SND1: variants seen among roughly 807,000 people sequenced by gnomAD.
SND1 encodes the protein staphylococcal nuclease and tudor domain containing 1, also known as staphylococcal nuclease domain-containing protein 1.
Under a neutral mutation model 121.7 loss-of-function variants are expected in SND1, and 38 were observed. The observed-to-expected ratio is 0.31, with a 90% CI of 0.24 to 0.41. The LOEUF (loss-of-function observed/expected upper bound fraction) is 0.41. Among genes scored for constraint, SND1 ranks in the 10% least tolerant of loss-of-function variants. The pLI is 1.00. For synonymous variants in SND1, 401 were observed against 447.4 expected (o/e 0.90, Z 1.31); for missense variants, 868 against 1,184.6 (o/e 0.73, Z 3.92).
At chr7:127,825,650 G>A (rs1421453175) in intron 11 of SND1, among the ~76,000 whole-genome samples, 4 of 149,336 alleles carry the variant, frequency 2.7e-5, no homozygotes, top group African/African-American at 9.9e-5. Context: ...CAGGTGATCC[G>A]CCCACCCCGG....
chr7:128,029,538 C>G lies in SND1; in HGVS notation c.1779+38482C>G, dbSNP rs764537457. The G allele has an allele frequency of 6.2e-7, 1 of 1,614,010 alleles. No homozygotes were observed. The highest frequency in any genetic ancestry group is 8.5e-7 in the Non-Finnish European group (1 of 1,180,016). On this transcript the variant is annotated intron_variant, in intron 16 of 23. Coordinates refer to ENST00000354725, the MANE Select transcript of SND1 (RefSeq NM_014390.4). The surrounding 1 kb of genome is among the most constrained non-coding windows in gnomAD (Gnocchi z 4.2). ...AGTCCGACACTTAAGTTCTGCCATC[C>G]GACCCTCAGAAATGTTGAGGTCTCG...
chr7:127,935,399 GTAAAACT>G (rs1801040781), intron 15 of SND1, among the ~76,000 whole-genome samples: 1 of 152,182 alleles, frequency 6.6e-6, no homozygotes, highest in South Asian at 2.1e-4. Context: ...ATTTTAGAAT[GTAAAACT>G]CAACAAAATA....
intron 14 of SND1, among the ~76,000 whole-genome samples, chr7:127,922,189 T>TTGTTTTTTTTTTTTGTTTTG (rs1563058961): frequency 8.4e-5 from 8 of 95,522 alleles, no homozygotes; most frequent in Middle Eastern, 4.5e-3. Flanking sequence ...TTTTTTTTTT[T>TTGTTTTTTTTTTTTGTTTTG]TTTTTTTTTT....
intron 14 of SND1, among the ~76,000 whole-genome samples, chr7:127,913,480 T>C (rs1481491018): frequency 1.3e-5 from 2 of 152,242 alleles, no homozygotes; most frequent in Non-Finnish European, 2.9e-5. Flanking sequence ...GTAGCATATT[T>C]TTCCAAAGAG....
chr7:127,782,271 AG>A (rs1299457637), intron 10 of SND1, among the ~76,000 whole-genome samples: 1 of 152,174 alleles, frequency 6.6e-6, no homozygotes. Flanking sequence ...CAGGCAGAAA[AG>A]GGAAGTTAAT....
chr7:127,812,140 A>G (rs1798345695), intron 11 of SND1, among the ~76,000 whole-genome samples: 1 of 152,246 alleles, frequency 6.6e-6, no homozygotes, highest in Non-Finnish European at 1.5e-5. Context: ...TGCTGAATTA[A>G]AGACTTTTAG....
intron 16 of SND1, among the ~76,000 whole-genome samples, chr7:128,000,577 C>G (rs1802801903): frequency 6.6e-6 from 1 of 152,134 alleles, no homozygotes; most frequent in East Asian, 1.9e-4. Flanking sequence ...ACCATGTTGC[C>G]CAGGCTGGTC....
Position 127,920,108 on chromosome 7 carries a change from C to T in SND1, c.1528-9080C>T, listed in dbSNP as rs184551437. On this transcript the variant is annotated intron_variant, in intron 14 of 23. Coordinates refer to ENST00000354725, the MANE Select transcript of SND1 (RefSeq NM_014390.4). ...TTCAAAAATATAGTACATTACTATA[C>T]TGATGAATAATGGAAGAAGTTTGTC... is the stretch of plus-strand genomic sequence containing the variant. 6.6e-5 allele frequency among the ~76,000 whole-genome samples: 10 copies of T among 152,232 alleles called. No homozygotes were observed. The East Asian group carries it at 1.9e-3, about 29-fold the overall frequency.
At chr7:127,973,520 A>C (rs1287893172) in intron 15 of SND1, among the ~76,000 whole-genome samples, 1 of 152,162 alleles carries the variant, frequency 6.6e-6, no homozygotes, top group Non-Finnish European at 1.5e-5. Context: ...AGCCAAGCCA[A>C]GGGCAGAGGA....
chr7:127,703,538 C>T (rs1233744084), intron 7 of SND1, among the ~76,000 whole-genome samples: 2 of 152,110 alleles, frequency 1.3e-5, no homozygotes, highest in African/African-American at 4.8e-5. Context: ...ATGGTGAAAC[C>T]CTGTTTCTAC....
chr7:127,846,043 T>A lies in SND1; in HGVS notation c.1343+1619T>A, dbSNP rs1799055679. Among the ~76,000 whole-genome samples the A allele has an allele frequency of 2.0e-5, 3 of 152,214 alleles. 1 individual carries two copies. Among genetic ancestry groups the A allele is most frequent in the Non-Finnish European group, 4.4e-5 (3 of 68,036 alleles). On this transcript the variant is annotated intron_variant, in intron 12 of 23. Transcript: ENST00000354725. Reference sequence around the variant, plus strand: ...CTCTTTCAGCCTTCCTCTCTGCAAATGTGGGGTAGCTGTCTGTTCTAGTCT... The same window carrying A: ...CTCTTTCAGCCTTCCTCTCTGCAAAAGTGGGGTAGCTGTCTGTTCTAGTCT...
chr7:127,936,856 T>C (rs1330536904), intron 15 of SND1, among the ~76,000 whole-genome samples: 1 of 152,246 alleles, frequency 6.6e-6, no homozygotes, highest in African/African-American at 2.4e-5. Flanking sequence ...CTCACATTTT[T>C]ACCTAAAAGC....
chr7:128,092,020 C>A lies in SND1; in HGVS notation c.2695C>A (p.Arg899=). 1 of 1,614,072 alleles carries A rather than the reference C, an allele frequency of 6.2e-7. No individual in the cohort carries two copies. Among genetic ancestry groups the A allele is most frequent in the Non-Finnish European group, 8.5e-7 (1 of 1,179,954 alleles). ...RLNLWRYGDF[R]ADDADEFGYS... The stretch of plus-strand genomic sequence containing the variant: ...GAACCTGTGGCGCTATGGAGACTTT[C>A]GAGCTGATGATGCAGACGAATTTGG... The change falls in exon 24 of 24, where the codon CGA becomes AGA. Residue 899 remains arginine (R), a synonymous_variant. Transcript: ENST00000354725. The surrounding 1 kb of genome is among the most constrained non-coding windows in gnomAD (Gnocchi z 4.9).
chr7:127,901,778 T>C (rs1241995281), intron 13 of SND1, among the ~76,000 whole-genome samples: 1 of 152,192 alleles, frequency 6.6e-6, no homozygotes, highest in Non-Finnish European at 1.5e-5. Context: ...TGCCAGAAAT[T>C]GATAAGAGTT....
chr7:127,853,889 G>A (rs912995544), intron 12 of SND1, among the ~76,000 whole-genome samples: 15 of 152,172 alleles, frequency 9.9e-5, no homozygotes, highest in Admixed American at 2.6e-4. Flanking sequence ...ATGCTTTTCT[G>A]AGTGTGATTT....
chr7:127,799,350 AG>A (rs1431742423), intron 10 of SND1, among the ~76,000 whole-genome samples: 2 of 152,208 alleles, frequency 1.3e-5, no homozygotes, highest in African/African-American at 4.8e-5. Flanking sequence ...TTCTAGTAAA[AG>A]GGGGATCATG....
At chr7:128,053,042 C>CATT (rs1476998948) in intron 16 of SND1, among the ~76,000 whole-genome samples, 11 of 152,268 alleles carry the variant, frequency 7.2e-5, no homozygotes, top group African/African-American at 1.7e-4. Flanking sequence ...ATTGAATAGG[C>CATT]ATTAGCCAGA....
chr7:127,856,962 G>A (rs1168844702), intron 12 of SND1, among the ~76,000 whole-genome samples: 1 of 152,018 alleles, frequency 6.6e-6, no homozygotes, highest in Admixed American at 6.5e-5. Flanking sequence ...CTGCAGCTGT[G>A]GAAAGATCAG....
intron 15 of SND1, among the ~76,000 whole-genome samples, chr7:127,930,282 A>G (rs1341428828): frequency 6.6e-6 from 1 of 152,152 alleles, no homozygotes; most frequent in Non-Finnish European, 1.5e-5. Flanking sequence ...GAATTACTGA[A>G]TAGAATTTGC....
Sources: gnomAD v4.1 joint callset for allele counts (sites outside exome capture counted in the v4.1 genomes callset) on GRCh38, gnomAD v4.1.1 for gene constraint, Gnocchi (gnomAD v3.1) non-coding constraint, MANE v1.5 for transcripts, NCBI Gene and HGNC (gene_info 2026-07-23, HGNC 2026-07-21) for gene names.